ACAT1: variants seen among roughly 807,000 people sequenced by gnomAD.
ACAT1 encodes the protein acetyl-CoA acetyltransferase 1, also known as acetyl-CoA acetyltransferase, mitochondrial.
ACAT1 carries 28 observed loss-of-function variants against 47.3 expected under a neutral mutation model. The ratio of observed to expected loss-of-function variants is 0.59; its 90% confidence interval spans 0.44 to 0.81. The LOEUF is 0.81. ACAT1 is among the 30% of genes least tolerant of loss of function. The pLI is 0.00. For synonymous variants in ACAT1, 181 were observed against 173.6 expected (o/e 1.04, Z -0.34); for missense variants, 469 against 524.3 (o/e 0.89, Z 1.03).
chr11:108,146,516 AAC>A (rs1376448381), intron 11 of ACAT1, among the ~76,000 whole-genome samples, 157 bp downstream of exon 11: 2 of 152,220 alleles, frequency 1.3e-5, no homozygotes, highest in African/African-American at 4.8e-5. Context: ...TCCAATACTG[AAC>A]AGAGACCTGT....
chr11:108,144,978 G>C (rs2077674932), intron 10 of ACAT1, among the ~76,000 whole-genome samples: 1 of 152,206 alleles, frequency 6.6e-6, no homozygotes, highest in African/African-American at 2.4e-5. Context: ...TGTTTGAGCT[G>C]TATAGGCTAG....
chr11:108,141,507 A>G, intron 7 of ACAT1, 98 bp from the exon 8 acceptor site: 1 of 831,814 alleles, frequency 1.2e-6, no homozygotes, highest in Non-Finnish European at 2.0e-6. Context: ...AAGCAGGGAT[A>G]CAAAGGGAGG....
intron 3 of ACAT1, 46 bp from the exon 4 acceptor site, chr11:108,134,175 T>C (rs535298278): frequency 1.7e-5 from 26 of 1,508,672 alleles, no homozygotes; most frequent in African/African-American, 5.5e-5. Context: ...CACTGATTAT[T>C]AAATTGAATT....
chr11:108,125,573 G>A (rs2135299739), intron 1 of ACAT1, among the ~76,000 whole-genome samples: 1 of 152,324 alleles, frequency 6.6e-6, no homozygotes, highest in African/African-American at 2.4e-5. Flanking sequence ...GGAAAAAGTA[G>A]AGGGTAACTT....
Position 108,121,611 on chromosome 11 carries a change from C to T in ACAT1, c.5C>T (p.Ala2Val), listed in dbSNP as rs915506786. The T allele has an allele frequency of 1.3e-5, 20 of 1,550,728 alleles. No homozygotes were observed. The highest frequency in any genetic ancestry group is 1.7e-4 in the Middle Eastern group (1 of 5,722). M[A>V]VLAALLRSGA... ...GATACTCAGCCCTCTGCGACCATGG[C>T]TGTGCTGGCGGCACTTCTGCGCAGC... Residue 2 changes from alanine to valine, a missense_variant, in exon 1 of 12, where the codon GCT becomes GTT. By Grantham distance (64) the Ala-to-Val change is moderately conservative. Transcript: ENST00000265838.
chr11:108,120,124 C>T (rs953165917), upstream of ACAT1, among the ~76,000 whole-genome samples: 3 of 151,838 alleles, frequency 2.0e-5, no homozygotes, highest in African/African-American at 4.8e-5. Context: ...GAGGCTGAGG[C>T]GAACTCAGGA....
chr11:108,137,450 G>A (rs2077489450), intron 5 of ACAT1, among the ~76,000 whole-genome samples: 1 of 152,206 alleles, frequency 6.6e-6, no homozygotes, highest in Non-Finnish European at 1.5e-5. Flanking sequence ...GCCAAAATGA[G>A]TCAGATGAGT....
At chr11:108,139,126 C>CT (rs2077530195) in intron 6 of ACAT1, 85 bp downstream of exon 6, 21 of 1,525,350 alleles carry the variant, frequency 1.4e-5, no homozygotes, top group Non-Finnish European at 1.9e-5. Context: ...ACAAACTGAA[C>CT]TGAAAGATGG....
intron 2 of ACAT1, 71 bp from the exon 3 acceptor site, chr11:108,133,749 A>G: frequency 8.0e-7 from 1 of 1,243,046 alleles, no homozygotes; most frequent in Middle Eastern, 1.9e-4. Flanking sequence ...TTGATAATAT[A>G]TTTATGTTTA....
rs141740419 is a variant in ACAT1 at position 108,127,469 on chromosome 11, C to T, written c.73-4438C>T. ...ATTTTTAGTAGATATGGGGTTTCAC[C>T]GTGTTAGCCAGGATGGTCTCTATCT... On this transcript the variant is annotated intron_variant, in intron 1 of 11. Coordinates refer to ENST00000265838, the MANE Select transcript of ACAT1 (RefSeq NM_000019.4). 6.1e-3 allele frequency among the ~76,000 whole-genome samples: 921 copies of T among 152,098 alleles called. 10 individuals carry two copies. The highest frequency in any genetic ancestry group is 0.02 in the African/African-American group (814 of 41,494).
chr11:108,119,983 A>G (rs940985807), upstream of ACAT1, among the ~76,000 whole-genome samples: 1 of 152,178 alleles, frequency 6.6e-6, no homozygotes, highest in Non-Finnish European at 1.5e-5. Context: ...TGGGAGGCCT[A>G]GTGGGGGCGG....
At chr11:108,139,437 A>T (rs1253657748) in intron 6 of ACAT1, among the ~76,000 whole-genome samples, 1 of 151,748 alleles carries the variant, frequency 6.6e-6, no homozygotes, top group Non-Finnish European at 1.5e-5. Context: ...TTAAAAATAC[A>T]AAAAAATTAG....
chr11:108,121,868 T>C, intron 1 of ACAT1, 190 bp downstream of exon 1: 1 of 618,296 alleles, frequency 1.6e-6, no homozygotes, highest in Non-Finnish European at 2.8e-6. Context: ...ACTCGCCTAT[T>C]TTTACAGCGC....
chr11:108,135,274 C>T lies in ACAT1; in HGVS notation c.435+32C>T, dbSNP rs369321541. On this transcript the variant is annotated intron_variant, in intron 5 of 11. Transcript: ENST00000265838. Reference sequence around the variant, plus strand: ...AACACCGTCCTTCCCATTTATTAATCAGAGTAATACCTAGGGCTAAAAGAC... The same window carrying T: ...AACACCGTCCTTCCCATTTATTAATTAGAGTAATACCTAGGGCTAAAAGAC... 2.1e-5 allele frequency: 31 copies of T among 1,485,584 alleles called. No homozygotes were observed. In the African/African-American group the frequency reaches 4.2e-4, roughly 20 times the overall value. The allele number at this position is 1,485,584 out of a possible 1,614,324, so 92.0% of individuals were successfully genotyped here.
At chr11:108,126,937 C>G (rs529991489) in intron 1 of ACAT1, among the ~76,000 whole-genome samples, 8 of 151,522 alleles carry the variant, frequency 5.3e-5, no homozygotes, top group Non-Finnish European at 1.0e-4. Flanking sequence ...GGATTACAGG[C>G]GCGTGCCACC....
intron 3 of ACAT1, 55 bp downstream of exon 3, chr11:108,133,992 G>A: frequency 6.7e-7 from 1 of 1,490,782 alleles, no homozygotes; most frequent in African/African-American, 1.4e-5. Flanking sequence ...CCATGGAAAA[G>A]ATATTTATTT....
chr11:108,119,734 C>T (rs1156832903), upstream of ACAT1, among the ~76,000 whole-genome samples: 1 of 152,098 alleles, frequency 6.6e-6, no homozygotes. Flanking sequence ...ATTCTCGAAG[C>T]AGCCCAGTAT....
upstream of ACAT1, among the ~76,000 whole-genome samples, chr11:108,120,982 CTT>C (rs1182647818): frequency 1.3e-5 from 2 of 152,160 alleles, no homozygotes; most frequent in Non-Finnish European, 2.9e-5. Flanking sequence ...GGGAGGCTCA[CTT>C]GAGTCCAGGA....
intron 1 of ACAT1, among the ~76,000 whole-genome samples, chr11:108,130,547 C>T (rs1291379404): frequency 6.6e-6 from 1 of 151,656 alleles, no homozygotes; most frequent in African/African-American, 2.4e-5. Flanking sequence ...GCATGGACCA[C>T]CACACCCAGC....
Sources: gnomAD v4.1 joint callset for allele counts (sites outside exome capture counted in the v4.1 genomes callset) on GRCh38, gnomAD v4.1.1 for gene constraint, MANE v1.5 for transcripts, NCBI Gene and HGNC (gene_info 2026-07-23, HGNC 2026-07-21) for gene names.